The following DDX10 variants were observed in gnomAD, a reference collection of about 807,000 sequenced individuals.
DDX10 encodes probable ATP-dependent RNA helicase DDX10.
A neutral mutation model predicts 104.3 loss-of-function variants in DDX10; 74 were observed. The observed-to-expected ratio is 0.71, with a 90% CI of 0.59 to 0.86. The LOEUF is 0.86. DDX10 is among the 40% of genes least tolerant of loss of function. The pLI is 0.00. For synonymous variants in DDX10, 351 were observed against 353.4 expected (o/e 0.99, Z 0.08); for missense variants, 952 against 1,040.0 (o/e 0.92, Z 1.16).
At chr11:108,685,571 T>G (rs1026241470) in intron 6 of DDX10, among the ~76,000 whole-genome samples, 1 of 152,238 alleles carries the variant, frequency 6.6e-6, no homozygotes, top group Non-Finnish European at 1.5e-5. Flanking sequence ...TTATCTCCAG[T>G]TCTTATAAAA....
chr11:108,916,556 G>T (rs147653244), intron 16 of DDX10, among the ~76,000 whole-genome samples: 65 of 152,288 alleles, frequency 4.3e-4, no homozygotes, highest in African/African-American at 1.5e-3. Context: ...ATGCTATTCT[G>T]AACTGTTATT....
At chr11:108,906,802 A>G (rs1257275666) in intron 16 of DDX10, among the ~76,000 whole-genome samples, 1 of 152,228 alleles carries the variant, frequency 6.6e-6, no homozygotes, top group African/African-American at 2.4e-5. Context: ...TCTGTGAAAT[A>G]TTCATATATT....
chr11:108,838,370 T>C (rs1862585568), intron 13 of DDX10, 76 bp from the exon 14 acceptor site: 23 of 1,484,358 alleles, frequency 1.5e-5, no homozygotes, highest in African/African-American at 1.4e-5. Context: ...TTGAGAAGTA[T>C]ATTGCCAGAG....
Position 108,842,309 on chromosome 11 carries a change from A to G in DDX10, c.2247+833A>G, listed in dbSNP as rs188084209. 2.7e-3 allele frequency among the ~76,000 whole-genome samples: 408 copies of G among 152,302 alleles called. 1 individual carries two copies. The highest frequency in any genetic ancestry group is 8.0e-3 in the African/African-American group (333 of 41,578). On this transcript the variant is annotated intron_variant, in intron 15 of 17. Transcript: ENST00000322536. ...GAACTTTCTTTAGCGTGCTTTTGAT[A>G]CAGTGATTTCAGGGTGACACAGTGA... is the stretch of plus-strand genomic sequence containing the variant.
intron 13 of DDX10, among the ~76,000 whole-genome samples, chr11:108,813,991 A>T (rs1302244081): frequency 6.6e-6 from 1 of 152,136 alleles, no homozygotes; most frequent in Non-Finnish European, 1.5e-5. Context: ...TCTGAACTTA[A>T]ACTGTTTTTA....
rs1361635055 is a variant in DDX10 at position 108,939,273 on chromosome 11, T to C, written c.2451-973T>C. Among the ~76,000 whole-genome samples the C allele has an allele frequency of 3.3e-5, 5 of 152,192 alleles. No homozygotes were observed. The South Asian group carries it at 8.3e-4, about 25-fold the overall frequency. ...CTAATTGCTTTCAAAAGCTTGCCTT[T>C]GGGGCTGGATTCAGTATCATTCATA... On this transcript the variant is annotated intron_variant, in intron 17 of 17. Transcript: ENST00000322536.
At chr11:108,696,147 T>C (rs1247068035) in intron 9 of DDX10, among the ~76,000 whole-genome samples, 1 of 152,042 alleles carries the variant, frequency 6.6e-6, no homozygotes, top group Non-Finnish European at 1.5e-5. Flanking sequence ...CATTGGTCTT[T>C]AATGTATTGA....
intron 16 of DDX10, among the ~76,000 whole-genome samples, chr11:108,904,822 A>G (rs1488774001): frequency 6.6e-6 from 1 of 151,948 alleles, no homozygotes; most frequent in Non-Finnish European, 1.5e-5. Context: ...CTCCATGGCT[A>G]TTTTATGAAT....
At chr11:108,925,561 T>A (rs1863897741) in intron 17 of DDX10, among the ~76,000 whole-genome samples, 1 of 152,178 alleles carries the variant, frequency 6.6e-6, no homozygotes, top group Non-Finnish European at 1.5e-5. Context: ...TTTCTTTTTG[T>A]CATTTCACAT....
chr11:108,718,993 G>A (rs2094294988), intron 11 of DDX10, among the ~76,000 whole-genome samples: 1 of 151,810 alleles, frequency 6.6e-6, no homozygotes, highest in Admixed American at 6.6e-5. Flanking sequence ...CTTTACAAAA[G>A]TCAACTTAAA....
chr11:108,722,988 A>G lies in DDX10; in HGVS notation c.1500-9A>G, dbSNP rs750238647. 3 of 1,584,460 alleles carry G rather than the reference A, an allele frequency of 1.9e-6. No homozygotes were observed. Among genetic ancestry groups the G allele is most frequent in the Non-Finnish European group, 2.6e-6 (3 of 1,169,686 alleles). ...GAGATGACTGTTTTCACGTTTTTCC[A>G]TATTTAAGGTCTCTTGGTCTTGCTG... On this transcript the variant is annotated splice_polypyrimidine_tract_variant and intron_variant, in intron 12 of 17. Transcript: ENST00000322536.
At chr11:108,785,557 G>A (rs990448055) in intron 13 of DDX10, among the ~76,000 whole-genome samples, 1 of 152,088 alleles carries the variant, frequency 6.6e-6, no homozygotes. Context: ...TAGAATTCGG[G>A]TGTGAATCCC....
chr11:108,695,519 G>A (rs2134452874), intron 9 of DDX10, among the ~76,000 whole-genome samples: 1 of 152,308 alleles, frequency 6.6e-6, no homozygotes, highest in Non-Finnish European at 1.5e-5. Context: ...AAGTATGAAA[G>A]TGTACGCTAT....
At chr11:108,785,604 A>G (rs747569108) in intron 13 of DDX10, among the ~76,000 whole-genome samples, 7 of 152,076 alleles carry the variant, frequency 4.6e-5, no homozygotes, top group African/African-American at 1.4e-4. Context: ...TGGATTTTTA[A>G]TCAGTGATTC....
chr11:108,863,744 G>A (rs2134616802), intron 16 of DDX10, among the ~76,000 whole-genome samples: 1 of 152,250 alleles, frequency 6.6e-6, no homozygotes, highest in East Asian at 1.9e-4. Context: ...TGTTTTTGTG[G>A]TTGGTACTTT....
At chr11:108,742,260 AAAAAC>A (rs200154140) in intron 13 of DDX10, among the ~76,000 whole-genome samples, 2,437 of 149,958 alleles carry the variant, frequency 0.016, 38 homozygotes, top group Middle Eastern at 0.032. Context: ...ACTCTGTCTC[AAAAAC>A]AAAACAAAAC....
intron 13 of DDX10, among the ~76,000 whole-genome samples, chr11:108,760,560 C>G (rs937455015): frequency 5.3e-5 from 8 of 151,740 alleles, no homozygotes; most frequent in African/African-American, 1.9e-4. Flanking sequence ...AGGGCTGCCT[C>G]ATTTGGTGAA....
chr11:108,827,127 C>T (rs1296787868), intron 13 of DDX10, among the ~76,000 whole-genome samples: 2 of 152,182 alleles, frequency 1.3e-5, no homozygotes, highest in Non-Finnish European at 2.9e-5. Context: ...CAAGATTTGA[C>T]TCACAATTGT....
rs553942419 is a variant in DDX10 at position 108,921,078 on chromosome 11, G to A, written c.2450+3060G>A. The A allele has an allele frequency of 6.6e-5, 10 of 152,270 alleles. No homozygotes were observed. In the South Asian group the frequency reaches 1.9e-3, roughly 28 times the overall value. 9.4% of individuals were successfully genotyped at this position (152,270 alleles called of 1,614,324 possible). ...TCTGTCAATCAATTGGAACTGGTAC[G>A]GAAGGTAAAACCTATTTGCCATTCC... On this transcript the variant is annotated intron_variant, in intron 17 of 17. Transcript: ENST00000322536.
Sources: allele counts gnomAD v4.1 joint callset (sites outside exome capture counted in the v4.1 genomes callset), GRCh38; gene constraint gnomAD v4.1.1; transcripts MANE v1.5; gene names NCBI Gene and HGNC (gene_info 2026-07-23, HGNC 2026-07-21).